The following GUCY2F variants were observed in gnomAD, a reference collection of about 807,000 sequenced individuals.
GUCY2F encodes the protein guanylate cyclase 2F, retinal.
In GUCY2F, 61 loss-of-function variants were observed where a neutral mutation model predicts 73.1. The ratio of observed to expected loss-of-function variants is 0.83; its 90% CI spans 0.68 to 1.03. The LOEUF (loss-of-function observed/expected upper bound fraction) is 1.03. Among genes scored for constraint, GUCY2F ranks in the 50% least tolerant of loss-of-function variants. GUCY2F has a pLI of 0.00. For missense variants in GUCY2F, 912 were observed against 854.3 expected, an observed-to-expected ratio of 1.07 and a Z score of -0.84; for synonymous variants, 331 against 307.8, an observed-to-expected ratio of 1.08 and a Z score of -0.79.
chrX:109,435,684 G>A (rs1931726278), intron 7 of GUCY2F, among the ~76,000 whole-genome samples: 1 of 110,860 alleles, frequency 9.0e-6, no homozygotes, highest in African/African-American at 3.3e-5. Context: ...AGTGGTGAGA[G>A]AGGGCATCCC....
intron 8 of GUCY2F, among the ~76,000 whole-genome samples, chrX:109,410,244 C>G (rs1380037407): frequency 8.9e-6 from 1 of 112,258 alleles, no homozygotes; most frequent in Non-Finnish European, 1.9e-5. Context: ...AGAGAGGGAT[C>G]TCTTTTAGCA....
chrX:109,376,373 T>A (rs1930181856), intron 17 of GUCY2F, among the ~76,000 whole-genome samples: 1 of 112,152 alleles, frequency 8.9e-6, no homozygotes, highest in Non-Finnish European at 1.9e-5. Flanking sequence ...TACAGCTTCA[T>A]CATTGGGAAT....
At chrX:109,431,305 C>T (rs141038018) in intron 7 of GUCY2F, among the ~76,000 whole-genome samples, 1,306 of 112,023 alleles carry the variant, frequency 0.012, 21 homozygotes, top group African/African-American at 0.039. Context: ...CTTTCACATC[C>T]ATTACCTACA....
intron 1 of GUCY2F, among the ~76,000 whole-genome samples, chrX:109,476,379 G>A (rs1932695920): frequency 1.8e-5 from 2 of 112,278 alleles, no homozygotes; most frequent in African/African-American, 6.5e-5. Flanking sequence ...TTATAACAGA[G>A]CCTGGCAAGT....
intron 19 of GUCY2F, among the ~76,000 whole-genome samples, chrX:109,373,912 G>A (rs1158581967): frequency 8.9e-6 from 1 of 111,784 alleles, no homozygotes; most frequent in Non-Finnish European, 1.9e-5. Context: ...CTGCTTCAGA[G>A]GCAGCCCCTG....
rs759532878 is a variant in GUCY2F at position 109,395,281 on chromosome X, G to C, written c.2424+60C>G. ...AATATGACAAGGACCCAAGGAGTTAGCCTTGTGTAGGCTGACTTCAGGAAG... is the reference window on the plus strand; with the variant it reads ...AATATGACAAGGACCCAAGGAGTTACCCTTGTGTAGGCTGACTTCAGGAAG... On this transcript the variant is annotated intron_variant, in intron 12 of 19. Transcript: ENST00000218006. 7.5e-5 allele frequency: 75 copies of C among 1,000,838 alleles called. 1 individual carries two copies. The South Asian group carries it at 1.5e-3, about 20-fold the overall frequency. The allele number at this position is 1,000,838 out of a possible 1,213,427, so 82.5% of individuals were successfully genotyped here.
At chrX:109,378,338 C>T (rs1416089352) in intron 17 of GUCY2F, among the ~76,000 whole-genome samples, 1 of 111,483 alleles carries the variant, frequency 9.0e-6, no homozygotes, top group Non-Finnish European at 1.9e-5. Context: ...CACAAAGCTT[C>T]TCCAACACAC....
At chrX:109,431,362 G>A (rs1931606664) in intron 7 of GUCY2F, among the ~76,000 whole-genome samples, 1 of 111,862 alleles carries the variant, frequency 8.9e-6, no homozygotes, top group Admixed American at 9.5e-5. Context: ...ATCAAGTAGA[G>A]ATAATAAAGC....
intron 8 of GUCY2F, among the ~76,000 whole-genome samples, chrX:109,428,495 A>G (rs1044825604): frequency 6.2e-5 from 7 of 112,351 alleles, no homozygotes; most frequent in Non-Finnish European, 1.3e-4. Context: ...ATGAAGAAAA[A>G]CAAAGAAAAT....
chrX:109,387,998 G>A lies in GUCY2F; in HGVS notation c.2956+491C>T, dbSNP rs140081954. 3.8e-3 allele frequency among the ~76,000 whole-genome samples: 419 copies of A among 110,678 alleles called. 1 individual carries two copies. Among genetic ancestry groups the A allele is most frequent in the African/African-American group, 0.013 (392 of 30,416 alleles). ...GAGTGGACAGTGAAGAAATGGCACA[G>A]TGGATGTCATTCATTTTTTTAAAGA... On this transcript the variant is annotated intron_variant, in intron 15 of 19. Coordinates refer to ENST00000218006, the MANE Select transcript of GUCY2F (RefSeq NM_001522.3).
intron 1 of GUCY2F, among the ~76,000 whole-genome samples, chrX:109,477,383 T>G (rs1201661579): frequency 8.9e-6 from 1 of 111,834 alleles, no homozygotes; most frequent in Non-Finnish European, 1.9e-5. Context: ...CGATGCATTC[T>G]GATAGAGATC....
At chrX:109,402,025 T>C (rs1188342824) in intron 10 of GUCY2F, among the ~76,000 whole-genome samples, 1 of 111,448 alleles carries the variant, frequency 9.0e-6, no homozygotes, top group African/African-American at 3.3e-5. Flanking sequence ...TCGTAAGCCA[T>C]GTAAAGGAAT....
intron 17 of GUCY2F, 102 bp from the exon 18 acceptor site, chrX:109,376,269 G>T (rs1930179338): frequency 5.4e-6 from 3 of 551,268 alleles, no homozygotes; most frequent in Non-Finnish European, 9.3e-6. Context: ...CCACTCCCTG[G>T]AGTCTTCCTC....
In GUCY2F at chrX:109,474,844, A is replaced by T. The variant is rs949303881; in HGVS notation, c.730+363T>A. The stretch of plus-strand genomic sequence containing the variant: ...CTAGAACAAACAAAAATGAAGCCAT[A>T]AGAAGACCCGCGCCTCCCCATACCA... On this transcript the variant is annotated intron_variant, in intron 2 of 19. Transcript: ENST00000218006. 2.7e-5 allele frequency among the ~76,000 whole-genome samples: 3 copies of T among 111,780 alleles called. No homozygotes were observed. In the Admixed American group the frequency reaches 2.8e-4, roughly 11 times the overall value.
chrX:109,428,565 G>A (rs1218451014), intron 8 of GUCY2F, among the ~76,000 whole-genome samples: 2 of 111,938 alleles, frequency 1.8e-5, no homozygotes, highest in Non-Finnish European at 3.8e-5. Flanking sequence ...CTGAATGTGT[G>A]AGACTGGATT....
intron 5 of GUCY2F, among the ~76,000 whole-genome samples, chrX:109,449,020 T>A (rs1391749842): frequency 8.9e-6 from 1 of 111,777 alleles, no homozygotes; most frequent in Non-Finnish European, 1.9e-5. Context: ...CTTGAAGACC[T>A]GGAGGGAATC....
chrX:109,460,857 A>G (rs1478145164), intron 3 of GUCY2F, among the ~76,000 whole-genome samples: 9 of 112,041 alleles, frequency 8.0e-5, no homozygotes, highest in African/African-American at 2.3e-4. Context: ...TACTATGCAT[A>G]AAATTGTTTT....
intron 3 of GUCY2F, among the ~76,000 whole-genome samples, chrX:109,454,465 G>A (rs1195045626): frequency 9.0e-6 from 1 of 111,386 alleles, no homozygotes; most frequent in African/African-American, 3.3e-5. Context: ...TGACACATAC[G>A]CACCCAGCTA....
chrX:109,406,132 A>G (rs1193708557), intron 9 of GUCY2F, among the ~76,000 whole-genome samples: 4 of 111,967 alleles, frequency 3.6e-5, no homozygotes, highest in Non-Finnish European at 7.5e-5. Flanking sequence ...CACAATTTGC[A>G]TATCATTCCA....
Sources: gnomAD v4.1 joint callset for allele counts (sites outside exome capture counted in the v4.1 genomes callset) on GRCh38, gnomAD v4.1.1 for gene constraint, MANE v1.5 for transcripts, NCBI Gene and HGNC (gene_info 2026-07-23, HGNC 2026-07-21) for gene names.